Variants in GRK3 observed in about 807,000 individuals in gnomAD.
GRK3 encodes the protein adrenergic, beta, receptor kinase 2.
In GRK3, 54 loss-of-function variants were observed where a neutral mutation model predicts 95.7. The ratio of observed to expected loss-of-function variants is 0.56; its 90% CI spans 0.45 to 0.71. GRK3 has a LOEUF of 0.71. GRK3 is among the 30% of genes least tolerant of loss of function. GRK3 has a pLI of 0.00. For synonymous variants in GRK3, 281 were observed against 290.8 expected, an observed-to-expected ratio of 0.97 and a Z score of 0.34; for missense variants, 649 against 851.2, an observed-to-expected ratio of 0.76 and a Z score of 2.96.
intron 3 of GRK3, chr22:25,649,117 T>C: frequency 2.0e-6 from 3 of 1,522,778 alleles, no homozygotes; most frequent in Non-Finnish European, 2.7e-6. Context: ...CATGAATTGA[T>C]GAATCTGTGT....
intron 13 of GRK3, among the ~76,000 whole-genome samples, chr22:25,698,816 G>A (rs1214691876): frequency 1.3e-5 from 2 of 152,196 alleles, no homozygotes; most frequent in Non-Finnish European, 1.5e-5. Context: ...GTGAGTTTGC[G>A]CAGCAGCCCT....
At chr22:25,586,697 AAGGGCATTAG>A (rs1184671610) in intron 1 of GRK3, among the ~76,000 whole-genome samples, 5 of 152,264 alleles carry the variant, frequency 3.3e-5, no homozygotes, top group Admixed American at 6.5e-5. Context: ...GTGAAAAGGA[AAGGGCATTAG>A]AGGGAATGGT....
chr22:25,661,597 G>A lies in GRK3; in HGVS notation c.286G>A (p.Asp96Asn), dbSNP rs142351304. 5 of 1,611,706 alleles carry A rather than the reference G, an allele frequency of 3.1e-6. No homozygotes were observed. Among genetic ancestry groups the A allele is most frequent in the Non-Finnish European group, 4.2e-6 (5 of 1,178,512 alleles). The change falls in exon 4 of 21, where the codon GAT (aspartate) becomes AAT (asparagine). Residue 96 changes from aspartate to asparagine, a missense_variant. Physicochemically the swap from Asp to Asn is conservative, Grantham distance 23. This residue lies in a region of GRK3 where 206 missense variants were observed against 231.4 expected (regional missense o/e 0.89). Coordinates refer to ENST00000324198, the MANE Select transcript of GRK3 (RefSeq NM_005160.4). ...YEEIKEYEKL[D>N]NEEDRLCRSR... is the part of the protein sequence containing the mutation. ...CTAGATAAAGGAATATGAAAAACTTGATAATGAGGAAGACCGCCTTTGCAG... is the reference window on the plus strand; with the variant it reads ...CTAGATAAAGGAATATGAAAAACTTAATAATGAGGAAGACCGCCTTTGCAG...
chr22:25,668,557 A>C (rs1407039888), intron 6 of GRK3, among the ~76,000 whole-genome samples: 1 of 152,232 alleles, frequency 6.6e-6, no homozygotes, highest in Admixed American at 6.5e-5. Context: ...TTGCAATTCT[A>C]TTGGAGTTCA....
chr22:25,649,900 A>G (rs1308707869), intron 3 of GRK3, among the ~76,000 whole-genome samples: 2 of 152,222 alleles, frequency 1.3e-5, no homozygotes, highest in Non-Finnish European at 2.9e-5. Flanking sequence ...AAAGTAGAAT[A>G]AGAAATTTTT....
chr22:25,631,279 A>G (rs2084662326), intron 2 of GRK3, among the ~76,000 whole-genome samples: 2 of 152,162 alleles, frequency 1.3e-5, no homozygotes, highest in African/African-American at 4.8e-5. Flanking sequence ...GTGTCAGAGT[A>G]CTTGTTTATG....
chr22:25,566,230 G>A (rs534713305), intron 1 of GRK3, among the ~76,000 whole-genome samples: 1 of 152,126 alleles, frequency 6.6e-6, no homozygotes, highest in Non-Finnish European at 1.5e-5. Context: ...CTCAAAAGAG[G>A]CATCTTGTTT....
intron 6 of GRK3, among the ~76,000 whole-genome samples, chr22:25,670,881 CA>C (rs71191074): frequency 0.015 from 991 of 65,684 alleles, 7 homozygotes; most frequent in South Asian, 0.02. Context: ...ACTAAAAATA[CA>C]AAAAAAAAAA....
At chr22:25,627,609 A>G (rs759165326) in intron 2 of GRK3, among the ~76,000 whole-genome samples, 8 of 152,238 alleles carry the variant, frequency 5.3e-5, no homozygotes, top group South Asian at 2.1e-4. Flanking sequence ...AAGTAAATTT[A>G]TCCAACGTTC....
At chr22:25,679,502 A>G (rs1247970954) in intron 9 of GRK3, among the ~76,000 whole-genome samples, 1 of 152,114 alleles carries the variant, frequency 6.6e-6, no homozygotes, top group African/African-American at 2.4e-5. Context: ...AACATGTGTG[A>G]CCCCACTTTT....
At position 25,725,893 on chromosome 22, in the gene GRK3, G is replaced by T. The variant is rs2085469924; in HGVS notation, c.*3443G>T. 3.7e-6 allele frequency: 1 copy of T among 271,914 alleles called. No homozygotes were observed. 16.8% of individuals were successfully genotyped at this position (271,914 alleles called of 1,614,324 possible). A position where few individuals can be genotyped will look rare whatever the true frequency, so the allele number is the denominator to read the frequency against. On this transcript the variant is annotated 3_prime_UTR_variant, in exon 21 of 21. Transcript: ENST00000324198. ...GAACCCGGGAGGCAGAGCTTGCAGT[G>T]AGCCGAGATTGCGCCACTGCACTCC...
intron 2 of GRK3, among the ~76,000 whole-genome samples, chr22:25,622,720 A>G (rs1316134695): frequency 6.6e-6 from 1 of 152,172 alleles, no homozygotes; most frequent in Non-Finnish European, 1.5e-5. Context: ...CAGGAAGAAG[A>G]ATCTGGAGAC....
Position 25,593,487 on chromosome 22 carries a change from G to A in GRK3, c.114-10890G>A, listed in dbSNP as rs1932569690. ...TGAGCATTTTTTCATATGTTTGTTGGTTGCTTGTATGTCTTCTTTTGAGAA... is the reference window on the plus strand; with the variant it reads ...TGAGCATTTTTTCATATGTTTGTTGATTGCTTGTATGTCTTCTTTTGAGAA... On this transcript the variant is annotated intron_variant, in intron 1 of 20. Transcript: ENST00000324198. 2.6e-5 allele frequency among the ~76,000 whole-genome samples: 4 copies of A among 151,870 alleles called. No individual in the cohort carries two copies. In the South Asian group the frequency reaches 8.3e-4, roughly 32 times the overall value.
At chr22:25,695,891 G>T (rs979740548) in intron 13 of GRK3, among the ~76,000 whole-genome samples, 14 of 148,618 alleles carry the variant, frequency 9.4e-5, no homozygotes, top group African/African-American at 3.5e-4. Context: ...CTGGAGTGCA[G>T]TGGCACATCT....
At chr22:25,679,263 A>T (rs2085056373) in intron 9 of GRK3, among the ~76,000 whole-genome samples, 2 of 152,222 alleles carry the variant, frequency 1.3e-5, no homozygotes, top group Admixed American at 1.3e-4. Context: ...AGAGGGGAAA[A>T]GTAAGAGAAA....
intron 9 of GRK3, among the ~76,000 whole-genome samples, chr22:25,683,104 T>G (rs1194303655): frequency 1.3e-5 from 2 of 152,242 alleles, no homozygotes; most frequent in African/African-American, 4.8e-5. Flanking sequence ...GTTTTTACAT[T>G]TTTAAAGGAT....
rs2085455597 is a variant in GRK3 at position 25,724,115 on chromosome 22, A to C, written c.*1665A>C. Reference sequence around the variant, plus strand: ...AAGAATAGTATTCAAATTCTGTTGAAACACACACACACACACACACACACA... The same window carrying C: ...AAGAATAGTATTCAAATTCTGTTGACACACACACACACACACACACACACA... On this transcript the variant is annotated 3_prime_UTR_variant, in exon 21 of 21. Transcript: ENST00000324198. The C allele has an allele frequency of 6.9e-6, 1 of 144,544 alleles. No homozygotes were observed. The highest frequency in any genetic ancestry group is 2.5e-5 in the African/African-American group (1 of 39,296). The allele number at this position is 144,544 out of a possible 1,614,324, so 9.0% of individuals were successfully genotyped here. A position where few individuals can be genotyped will look rare whatever the true frequency, so the allele number is the denominator to read the frequency against.
intron 17 of GRK3, among the ~76,000 whole-genome samples, chr22:25,712,345 T>C (rs1321090653): frequency 6.6e-6 from 1 of 152,242 alleles, no homozygotes; most frequent in East Asian, 1.9e-4. Context: ...CAACCAGGCA[T>C]CGTCTGTAGC....
At chr22:25,717,719 T>C (rs2085398115) in intron 18 of GRK3, among the ~76,000 whole-genome samples, 2 of 152,190 alleles carry the variant, frequency 1.3e-5, no homozygotes, top group Non-Finnish European at 2.9e-5. Flanking sequence ...ATTATCTCTA[T>C]ACATAACCAT....
Sources: gnomAD v4.1 joint callset for allele counts (sites outside exome capture counted in the v4.1 genomes callset) on GRCh38, gnomAD v4.1.1 for gene constraint, gnomAD v4.1.1 regional missense constraint, MANE v1.5 for transcripts, NCBI Gene and HGNC (gene_info 2026-07-23, HGNC 2026-07-21) for gene names.